The following MARK2 variants were observed in gnomAD, a reference collection of about 807,000 sequenced individuals.
The protein encoded by MARK2 is microtubule affinity regulating kinase 2, also known as serine/threonine-protein kinase MARK2.
Under a neutral mutation model 89.8 loss-of-function variants are expected in MARK2, and 16 were observed. That is an observed-to-expected ratio of 0.18 (90% CI 0.12 to 0.27). The LOEUF is 0.27. Ranked by LOEUF, MARK2 falls within the 10% of genes least tolerant of loss-of-function variation. MARK2 has a pLI of 1.00. For missense variants in MARK2, 621 were observed against 1,049.9 expected, an observed-to-expected ratio of 0.59 and a Z score of 5.65; for synonymous variants, 382 against 399.5, an observed-to-expected ratio of 0.96 and a Z score of 0.52.
intron 1 of MARK2, among the ~76,000 whole-genome samples, chr11:63,866,429 C>T (rs1214246469): frequency 2.0e-5 from 3 of 150,404 alleles, no homozygotes; most frequent in Non-Finnish European, 4.4e-5. Flanking sequence ...GCTTGTGAAA[C>T]AGCCGATAGG....
At chr11:63,888,619 G>A (rs1036663990) in intron 1 of MARK2, 15 of 1,137,824 alleles carry the variant, frequency 1.3e-5, no homozygotes, top group Admixed American at 4.2e-5. Flanking sequence ...AATTGCACGC[G>A]CTTCCTGACC....
chr11:63,852,601 A>G (rs1386390260), intron 1 of MARK2, among the ~76,000 whole-genome samples: 4 of 151,956 alleles, frequency 2.6e-5, no homozygotes, highest in African/African-American at 7.2e-5. Flanking sequence ...TATGTTAAAA[A>G]TACTGAAGTG....
intron 1 of MARK2, among the ~76,000 whole-genome samples, chr11:63,841,045 A>G (rs1214718929): frequency 1.3e-5 from 2 of 152,108 alleles, no homozygotes; most frequent in African/African-American, 4.8e-5. Flanking sequence ...TACTAGGCCA[A>G]AAAAACTTGA....
chr11:63,898,457 G>A, intron 4 of MARK2, 151 bp from the exon 5 acceptor site: 2 of 886,760 alleles, frequency 2.3e-6, no homozygotes, highest in East Asian at 2.4e-5. Context: ...GTCTTTAGCA[G>A]TTTGGCTGGC....
intron 1 of MARK2, among the ~76,000 whole-genome samples, chr11:63,846,276 G>A (rs954878679): frequency 3.9e-5 from 6 of 151,914 alleles, no homozygotes; most frequent in African/African-American, 1.5e-4. Context: ...CAGCACTTCG[G>A]GAGGCCACGG....
chr11:63,874,742 A>ACAT (rs1416966246), intron 1 of MARK2, among the ~76,000 whole-genome samples: 1 of 152,194 alleles, frequency 6.6e-6, no homozygotes, highest in Non-Finnish European at 1.5e-5. Flanking sequence ...GGCCCAGCTC[A>ACAT]CATGACCTTG....
At chr11:63,879,002 G>A (rs1460362774) in intron 1 of MARK2, among the ~76,000 whole-genome samples, 2 of 152,122 alleles carry the variant, frequency 1.3e-5, no homozygotes, top group Non-Finnish European at 2.9e-5. Context: ...GCCTGTGGAA[G>A]TGTCTCTTTA....
chr11:63,848,026 A>C (rs1040877604), intron 1 of MARK2, among the ~76,000 whole-genome samples: 1 of 152,252 alleles, frequency 6.6e-6, no homozygotes. Context: ...GGCAGCTTAC[A>C]GGGACTTCAG....
intron 1 of MARK2, chr11:63,868,954 C>T (rs1357109160): frequency 1.1e-5 from 5 of 443,430 alleles, no homozygotes; most frequent in Admixed American, 2.4e-5. Context: ...GCAGATCAGT[C>T]GCTTTTCCTG....
chr11:63,846,956 C>CA lies in MARK2; in HGVS notation c.54+7403dup, dbSNP rs548830938. On this transcript the variant is annotated intron_variant, in intron 1 of 18. Transcript: ENST00000402010. ...CAGGCGGGAGCCACCGCGCCCAGCCCAAAAAAATTTTTAAAAAGTTACCTG... is the reference window on the plus strand; with the variant it reads ...CAGGCGGGAGCCACCGCGCCCAGCCCAAAAAAAATTTTTAAAAAGTTACCTG... Among the ~76,000 whole-genome samples, 170 of 152,248 alleles carry CA rather than the reference C, an allele frequency of 1.1e-3. 5 individuals carry two copies. In the South Asian group the frequency reaches 0.034, roughly 30 times the overall value.
chr11:63,865,811 G>A (rs1309722257), intron 1 of MARK2, among the ~76,000 whole-genome samples: 3 of 152,206 alleles, frequency 2.0e-5, no homozygotes, highest in Non-Finnish European at 4.4e-5. Flanking sequence ...TTTGGGCCAG[G>A]TAAGTTGATT....
Position 63,898,346 on chromosome 11 carries a change from C to T in MARK2, c.337+66C>T, listed in dbSNP as rs1005354426. On this transcript the variant is annotated intron_variant, in intron 4 of 18. Transcript: ENST00000402010. ...AAGGCACTGCTTTCCAGCATGTCAT[C>T]TTCTCCCCGAGGTGCACTGCCTTCT... 4 of 1,479,174 alleles carry T rather than the reference C, an allele frequency of 2.7e-6. No individual in the cohort carries two copies. The African/African-American group carries it at 4.2e-5, about 15-fold the overall frequency. The allele number at this position is 1,479,174 out of a possible 1,614,324, so 91.6% of individuals were successfully genotyped here.
At chr11:63,854,798 G>C (rs2016757845) in intron 1 of MARK2, among the ~76,000 whole-genome samples, 2 of 136,848 alleles carry the variant, frequency 1.5e-5, no homozygotes, top group African/African-American at 5.5e-5. Context: ...ACCAACAACA[G>C]CGAGACACCA....
At chr11:63,860,555 A>T (rs1937697575) in intron 1 of MARK2, among the ~76,000 whole-genome samples, 1 of 147,942 alleles carries the variant, frequency 6.8e-6, no homozygotes. Context: ...CTCAAAAAAA[A>T]AAAAATAAAT....
intron 1 of MARK2, among the ~76,000 whole-genome samples, chr11:63,875,117 A>ATTT (rs35168603): frequency 3.2e-5 from 4 of 125,580 alleles, no homozygotes; most frequent in African/African-American, 1.0e-4. Flanking sequence ...TGCCCAGCTA[A>ATTT]TTTTTTTTTT....
rs1278262095 is a variant in MARK2 at position 63,909,404 on chromosome 11, G to T, written c.*167G>T. 9 of 666,402 alleles carry T rather than the reference G, an allele frequency of 1.4e-5. No homozygotes were observed. In the East Asian group the frequency reaches 2.2e-4, roughly 16 times the overall value. The allele number at this position is 666,402 out of a possible 1,614,324, so 41.3% of individuals were successfully genotyped here. On this transcript the variant is annotated 3_prime_UTR_variant, in exon 19 of 19. Coordinates refer to ENST00000402010, the MANE Select transcript of MARK2 (RefSeq NM_001039469.3). ...GTTTTCTCTTACATGTTTGTGGGGG[G>T]TGGGAGATTGTTCTCCAGCACCCCA... is the stretch of plus-strand genomic sequence containing the variant.
At chr11:63,885,689 C>T (rs1300697745) in intron 1 of MARK2, among the ~76,000 whole-genome samples, 1 of 151,690 alleles carries the variant, frequency 6.6e-6, no homozygotes, top group Non-Finnish European at 1.5e-5. Flanking sequence ...CAAAAATGAT[C>T]TGGACGTGGT....
intron 1 of MARK2, among the ~76,000 whole-genome samples, chr11:63,870,619 C>T (rs1363897902): frequency 1.3e-5 from 2 of 152,214 alleles, no homozygotes; most frequent in African/African-American, 4.8e-5. Flanking sequence ...CCTTATGCTG[C>T]TCTCAGTCTG....
At chr11:63,882,255 C>G (rs1286488912) in intron 1 of MARK2, among the ~76,000 whole-genome samples, 1 of 150,798 alleles carries the variant, frequency 6.6e-6, no homozygotes, top group Admixed American at 6.7e-5. Flanking sequence ...TCTGAGCCAC[C>G]ATGCCCAGCC....
Sources: allele counts gnomAD v4.1 joint callset (sites outside exome capture counted in the v4.1 genomes callset), GRCh38; gene constraint gnomAD v4.1.1; transcripts MANE v1.5; gene names NCBI Gene and HGNC (gene_info 2026-07-23, HGNC 2026-07-21).